ABCC11: variants seen among roughly 807,000 people sequenced by gnomAD.
ABCC11 encodes the protein ATP binding cassette subfamily C member 11, also known as ATP-binding cassette sub-family C member 11.
ABCC11 carries 135 observed loss-of-function variants against 149.3 expected under a neutral mutation model. That is an observed-to-expected ratio of 0.90 (90% CI 0.79 to 1.04). The LOEUF (loss-of-function observed/expected upper bound fraction) is 1.04, where lower values mean the gene tolerates loss of function less well. Ranked by LOEUF, ABCC11 falls within the 50% of genes least tolerant of loss-of-function variation. ABCC11 has a pLI of 0.00. For missense variants in ABCC11, 1,680 were observed against 1,722.1 expected (o/e 0.98, Z 0.43); for synonymous variants, 665 against 671.4 (o/e 0.99, Z 0.15).
chr16:48,234,716 G>C (rs1247894043), intron 1 of ABCC11, among the ~76,000 whole-genome samples: 2 of 152,206 alleles, frequency 1.3e-5, no homozygotes, highest in Admixed American at 6.5e-5. Context: ...GAGTCATGGA[G>C]AGATCTTGGA....
intron 6 of ABCC11, among the ~76,000 whole-genome samples, chr16:48,217,161 C>T (rs1969400547): frequency 6.6e-6 from 1 of 152,108 alleles, no homozygotes; most frequent in Non-Finnish European, 1.5e-5. Context: ...CTTGGTAACA[C>T]CACTAATATC....
At chr16:48,168,817 A>G (rs1178738639) in intron 28 of ABCC11, among the ~76,000 whole-genome samples, 1 of 152,184 alleles carries the variant, frequency 6.6e-6, no homozygotes, top group Non-Finnish European at 1.5e-5. Flanking sequence ...GCATGTTCTC[A>G]TTCACAAGTG....
intron 20 of ABCC11, 116 bp from the exon 21 acceptor site, chr16:48,187,543 G>T: frequency 1.2e-6 from 1 of 828,054 alleles, no homozygotes; most frequent in Non-Finnish European, 1.9e-6. Context: ...GGGTCTCCAG[G>T]GCAGGCAATG....
At chr16:48,227,023 C>T (rs556944224) in intron 4 of ABCC11, among the ~76,000 whole-genome samples, 28 of 152,252 alleles carry the variant, frequency 1.8e-4, no homozygotes, top group Middle Eastern at 3.4e-3. Flanking sequence ...CTCATATTAC[C>T]GTGTGTGGTG....
rs976774894 is a variant in ABCC11, at chr16:48,166,543, T to G, written c.*731A>C. On this transcript the variant is annotated 3_prime_UTR_variant, in exon 30 of 30. Coordinates refer to ENST00000356608, the MANE Select transcript of ABCC11 (RefSeq NM_001370497.1). ...TTTCCAAAGTTAGTTTGAGGGAGTC[T>G]CTGTTCCTTGCAACTGAATAAGTAC... is the stretch of plus-strand genomic sequence containing the variant. Among the ~76,000 whole-genome samples the G allele has an allele frequency of 1.4e-4, 21 of 152,148 alleles. No homozygotes were observed. The highest frequency in any genetic ancestry group is 4.8e-4 in the African/African-American group (20 of 41,430).
At chr16:48,178,824 G>A in intron 23 of ABCC11, 138 bp from the exon 24 acceptor site, 2 of 746,544 alleles carry the variant, frequency 2.7e-6, no homozygotes, top group Admixed American at 2.6e-5. Flanking sequence ...CAAGAATGGA[G>A]CAGAGGCCCC....
rs369450909 is a variant in ABCC11, at chr16:48,200,384, G to A, written c.1974C>T (p.Asp658=). The A allele has an allele frequency of 2.5e-5, 41 of 1,614,130 alleles. No individual in the cohort carries two copies. The highest frequency in any genetic ancestry group is 1.3e-4 in the South Asian group (12 of 91,094). The change falls in exon 15 of 30, where the codon GAC becomes GAT. Residue 658 remains aspartate (D), a synonymous_variant. Coordinates refer to ENST00000356608, the MANE Select transcript of ABCC11 (RefSeq NM_001370497.1). ...VYSDRQIYLL[D]DPLSAVDAHV... ...GGGCGTCCACAGCAGACAGGGGGTC[G>A]TCCAGCAGGTAGATCTGACGGTCGG...
rs183788776 is a variant in ABCC11 at position 48,208,629 on chromosome 16, C to T, written c.1609-133G>A. The T allele has an allele frequency of 3.9e-5, 36 of 920,498 alleles. No individual in the cohort carries two copies. In the African/African-American group the frequency reaches 5.3e-4, roughly 13 times the overall value. The allele number at this position is 920,498 out of a possible 1,614,324, so 57.0% of individuals were successfully genotyped here. A position where few individuals can be genotyped will look rare whatever the true frequency, so the allele number is the denominator to read the frequency against. ...AAATAACCACACAGAGCCCAAGACT[C>T]CTCAGACAGGCAAAGCTCAAGAGGA... On this transcript the variant is annotated intron_variant, in intron 11 of 29. Coordinates refer to ENST00000356608, the MANE Select transcript of ABCC11 (RefSeq NM_001370497.1).
chr16:48,216,321 A>G, intron 6 of ABCC11, 34 bp from the exon 7 acceptor site: 1 of 1,599,956 alleles, frequency 6.3e-7, no homozygotes. Context: ...CACAGATGTC[A>G]CCTCCCTGGG....
At position 48,222,514 on chromosome 16, in the gene ABCC11, C is replaced by A. The variant is rs906661157; in HGVS notation, c.777+84G>T. 3 of 1,163,576 alleles carry A rather than the reference C, an allele frequency of 2.6e-6. No homozygotes were observed. In the African/African-American group the frequency reaches 4.6e-5, roughly 18 times the overall value. 72.1% of individuals were successfully genotyped at this position (1,163,576 alleles called of 1,614,324 possible). On this transcript the variant is annotated intron_variant, in intron 6 of 29. Transcript: ENST00000356608. Reference sequence around the variant, plus strand: ...CTCCTTCCTCTTCTAACCCCCTTTTCTCCCTCTCTTGGCCCCCAGGGCAGT... The same window carrying A: ...CTCCTTCCTCTTCTAACCCCCTTTTATCCCTCTCTTGGCCCCCAGGGCAGT...
intron 26 of ABCC11, among the ~76,000 whole-genome samples, chr16:48,172,431 T>A (rs1965780466): frequency 6.6e-6 from 1 of 151,082 alleles, no homozygotes; most frequent in African/African-American, 2.4e-5. Flanking sequence ...GTTTAACTTT[T>A]TTTTTTTTTT....
rs558187761 is a variant in ABCC11 at position 48,237,635 on chromosome 16, G to C, written c.-18-5696C>G. On this transcript the variant is annotated intron_variant, in intron 1 of 29. Transcript: ENST00000356608. The stretch of plus-strand genomic sequence containing the variant: ...ATTCCTCAACTTGATCTCTCCCATG[G>C]CTTCCGTCAGGTTTAGAGTAAGACC... Among the ~76,000 whole-genome samples, 3 of 152,216 alleles carry C rather than the reference G, an allele frequency of 2.0e-5. No homozygotes were observed. In the South Asian group the frequency reaches 6.2e-4, roughly 32 times the overall value.
At chr16:48,228,109 T>C in intron 3 of ABCC11, 145 bp from the exon 4 acceptor site, 1 of 804,914 alleles carries the variant, frequency 1.2e-6, no homozygotes, top group Non-Finnish European at 1.9e-6. Flanking sequence ...TTGAAAATCA[T>C]AAACAACAAA....
At position 48,187,391 on chromosome 16, in the gene ABCC11, G is replaced by C; in HGVS notation, c.2743C>G (p.Pro915Ala). Residue 915 changes from proline to alanine, a missense_variant, in exon 21 of 30, where the codon CCA (proline) becomes GCA (alanine). By Grantham distance (27) the Pro-to-Ala change is conservative (BLOSUM62 -1). Coordinates refer to ENST00000356608, the MANE Select transcript of ABCC11 (RefSeq NM_001370497.1). ...RCPMSFFDTIPIGRLLNCFAG... is the reference protein window; with the variant it reads ...RCPMSFFDTIAIGRLLNCFAG... ...AAGCAGTTCAAAAGCCGGCCTATTG[G>C]GATGGTGTCAAAGAAACTCATGGGG... is the stretch of plus-strand genomic sequence containing the variant. 6.2e-7 allele frequency: 1 copy of C among 1,613,970 alleles called. No individual in the cohort carries two copies.
intron 17 of ABCC11, 53 bp from the exon 18 acceptor site, chr16:48,196,374 T>C: frequency 6.5e-7 from 1 of 1,537,482 alleles, no homozygotes; most frequent in South Asian, 1.2e-5. Context: ...TCACATGATC[T>C]GCTTCCTTCT....
Position 48,213,442 on chromosome 16 carries a change from C to T in ABCC11, c.1356+1G>A. 1.2e-6 allele frequency: 2 copies of T among 1,611,862 alleles called. No individual in the cohort carries two copies. The highest frequency in any genetic ancestry group is 1.7e-6 in the Non-Finnish European group (2 of 1,178,842). On this transcript the variant is annotated splice_donor_variant, in intron 10 of 29. Transcript: ENST00000356608. LOFTEE classifies it high-confidence loss of function. ...CTACAGCCAGTCCCCTGATGACCTACCTTGAACCTCATCACTGCAGACTTG... is the reference window on the plus strand; with the variant it reads ...CTACAGCCAGTCCCCTGATGACCTATCTTGAACCTCATCACTGCAGACTTG...
intron 3 of ABCC11, among the ~76,000 whole-genome samples, chr16:48,229,941 G>A (rs1970323662): frequency 6.6e-6 from 1 of 152,126 alleles, no homozygotes; most frequent in Non-Finnish European, 1.5e-5. Flanking sequence ...TGTCCCACAG[G>A]CTGTTCCTTG....
intron 1 of ABCC11, among the ~76,000 whole-genome samples, chr16:48,238,564 C>G (rs1284198450): frequency 6.6e-6 from 1 of 151,894 alleles, no homozygotes; most frequent in Non-Finnish European, 1.5e-5. Context: ...CAAGTCAAAT[C>G]TCAACATGCA....
chr16:48,216,901 A>G (rs1969383471), intron 6 of ABCC11, among the ~76,000 whole-genome samples: 1 of 152,202 alleles, frequency 6.6e-6, no homozygotes, highest in South Asian at 2.1e-4. Flanking sequence ...AGAGACATGA[A>G]GAGATCACTG....
Sources: gnomAD v4.1 joint callset for allele counts (sites outside exome capture counted in the v4.1 genomes callset) on GRCh38, gnomAD v4.1.1 for gene constraint, MANE v1.5 for transcripts, NCBI Gene and HGNC (gene_info 2026-07-23, HGNC 2026-07-21) for gene names.